The following ADAMTS12 variants were observed in gnomAD, a reference collection of about 807,000 sequenced individuals.
ADAMTS12 encodes ADAM metallopeptidase with thrombospondin type 1 motif 12.
In ADAMTS12, 118 loss-of-function variants were observed where a neutral mutation model predicts 167.8. That is an observed-to-expected ratio of 0.70 (90% CI 0.61 to 0.82). ADAMTS12 has a LOEUF of 0.82. ADAMTS12 is among the 40% of genes least tolerant of loss of function. The pLI, the probability that ADAMTS12 is intolerant of heterozygous loss-of-function variation, is 0.00. For synonymous variants in ADAMTS12, 704 were observed against 716.9 expected, an observed-to-expected ratio of 0.98 and a Z score of 0.29; for missense variants, 1,916 against 1,998.8, an observed-to-expected ratio of 0.96 and a Z score of 0.79.
intron 23 of ADAMTS12, among the ~76,000 whole-genome samples, chr5:33,527,862 G>C (rs183328797): frequency 1.3e-5 from 2 of 152,160 alleles, no homozygotes; most frequent in African/African-American, 2.4e-5. Flanking sequence ...TAGCAGCCAA[G>C]GTCAACCAAA....
At chr5:33,745,852 T>C (rs1744762870) in intron 3 of ADAMTS12, among the ~76,000 whole-genome samples, 1 of 152,052 alleles carries the variant, frequency 6.6e-6, no homozygotes, top group Admixed American at 6.5e-5. Context: ...CAAACAAAAC[T>C]AATAGGGTTA....
chr5:33,651,148 GAGCAGGTTTTCCCT>G (rs1740855699), intron 7 of ADAMTS12, among the ~76,000 whole-genome samples: 1 of 152,126 alleles, frequency 6.6e-6, no homozygotes, highest in African/African-American at 2.4e-5. Context: ...GCTTCCTTCT[GAGCAGGTTTTCCCT>G]AGCCTGCTAC....
At chr5:33,688,323 C>T (rs1742423826) in intron 3 of ADAMTS12, among the ~76,000 whole-genome samples, 1 of 144,564 alleles carries the variant, frequency 6.9e-6, no homozygotes, top group African/African-American at 2.6e-5. Context: ...GCAGCTTAAG[C>T]AAGGAAAATT....
At chr5:33,690,856 C>G (rs1742524895) in intron 3 of ADAMTS12, among the ~76,000 whole-genome samples, 1 of 152,196 alleles carries the variant, frequency 6.6e-6, no homozygotes, top group African/African-American at 2.4e-5. Context: ...TCCGCACTCT[C>G]TGATAGAAAT....
intron 19 of ADAMTS12, among the ~76,000 whole-genome samples, chr5:33,572,997 C>T (rs1266130203): frequency 1.4e-5 from 2 of 147,426 alleles, no homozygotes; most frequent in African/African-American, 5.1e-5. Context: ...CTCCCATTCA[C>T]AATTGCTTCA....
chr5:33,573,363 C>T (rs1429256746), intron 19 of ADAMTS12, among the ~76,000 whole-genome samples: 2 of 152,100 alleles, frequency 1.3e-5, no homozygotes, highest in South Asian at 4.1e-4. Flanking sequence ...TACAAGGCTA[C>T]AGTAATCAAA....
At chr5:33,878,891 C>G (rs890098997) in intron 2 of ADAMTS12, among the ~76,000 whole-genome samples, 1 of 152,182 alleles carries the variant, frequency 6.6e-6, no homozygotes, top group African/African-American at 2.4e-5. Context: ...ACAACGACTA[C>G]TCTAGTCCAG....
In ADAMTS12 at chr5:33,576,291, G is replaced by T. The variant is rs746646285; in HGVS notation, c.3735C>A (p.Ala1245=). 1 of 1,614,168 alleles carries T rather than the reference G, an allele frequency of 6.2e-7. No individual in the cohort carries two copies. The highest frequency in any genetic ancestry group is 1.1e-5 in the South Asian group (1 of 91,080). ...CTCCTCCCAGAGGGAGCAGAGTGTT[G>T]GCTGGCTTTTCAGTAACCATCCCCT... ...RVEGMVTEKP[A]NTLLPLGGDH... is the part of the protein sequence containing the mutation. The change falls in exon 19 of 24, where the codon GCC becomes GCA. Residue 1245 remains alanine (A), a synonymous_variant. Transcript: ENST00000504830.
intron 5 of ADAMTS12, among the ~76,000 whole-genome samples, chr5:33,682,659 C>T (rs1742167981): frequency 6.6e-6 from 1 of 152,114 alleles, no homozygotes; most frequent in Non-Finnish European, 1.5e-5. Flanking sequence ...TTAGTAGTAT[C>T]AAAGGTTCGA....
At chr5:33,874,646 G>C (rs923783176) in intron 2 of ADAMTS12, among the ~76,000 whole-genome samples, 2 of 152,134 alleles carry the variant, frequency 1.3e-5, no homozygotes, top group Admixed American at 1.3e-4. Context: ...TTATAGCAAC[G>C]TTATCAATAA....
intron 17 of ADAMTS12, among the ~76,000 whole-genome samples, chr5:33,595,287 T>C (rs1191659657): frequency 6.6e-6 from 1 of 152,192 alleles, no homozygotes; most frequent in Non-Finnish European, 1.5e-5. Context: ...TCTATAACAG[T>C]GGCTGTCAAC....
intron 2 of ADAMTS12, among the ~76,000 whole-genome samples, chr5:33,838,241 A>T (rs1748608754): frequency 6.6e-6 from 1 of 152,240 alleles, no homozygotes; most frequent in Admixed American, 6.5e-5. Flanking sequence ...CAAGAACCAC[A>T]TCAGTTATAT....
intron 1 of ADAMTS12, among the ~76,000 whole-genome samples, chr5:33,882,650 G>C (rs1580017933): frequency 6.6e-6 from 1 of 152,132 alleles, no homozygotes; most frequent in Admixed American, 6.5e-5. Context: ...GGAGTGCAAT[G>C]GCATGATCTC....
chr5:33,802,801 C>T (rs980397394), intron 2 of ADAMTS12, among the ~76,000 whole-genome samples: 4 of 152,068 alleles, frequency 2.6e-5, no homozygotes, highest in African/African-American at 4.8e-5. Flanking sequence ...CTATGGGAGA[C>T]GTAATACAGT....
At chr5:33,760,870 G>C (rs1254591993) in intron 2 of ADAMTS12, among the ~76,000 whole-genome samples, 2 of 142,826 alleles carry the variant, frequency 1.4e-5, no homozygotes, top group African/African-American at 5.2e-5. Flanking sequence ...TAATTTCTTT[G>C]TCTTTGCTCT....
chr5:33,676,707 C>CACACAGAG (rs879440613), intron 5 of ADAMTS12, among the ~76,000 whole-genome samples: 17 of 149,124 alleles, frequency 1.1e-4, no homozygotes, highest in East Asian at 3.9e-4. Flanking sequence ...CACACACACA[C>CACACAGAG]AGAGAGAGAG....
chr5:33,836,500 G>A (rs1330337441), intron 2 of ADAMTS12, among the ~76,000 whole-genome samples: 1 of 152,168 alleles, frequency 6.6e-6, no homozygotes, highest in African/African-American at 2.4e-5. Context: ...GGACATAACA[G>A]AAGAACAAGG....
At chr5:33,767,527 A>G (rs1480030256) in intron 2 of ADAMTS12, among the ~76,000 whole-genome samples, 1 of 152,206 alleles carries the variant, frequency 6.6e-6, no homozygotes, top group African/African-American at 2.4e-5. Flanking sequence ...ACTTTTCTAA[A>G]TGCAATGGTT....
intron 3 of ADAMTS12, among the ~76,000 whole-genome samples, chr5:33,688,553 G>A (rs1425854841): frequency 2.0e-5 from 3 of 152,146 alleles, no homozygotes; most frequent in African/African-American, 7.2e-5. Flanking sequence ...TTTGCAGATG[G>A]CAGAGCCCTC....
Sources: gnomAD v4.1 joint callset for allele counts (sites outside exome capture counted in the v4.1 genomes callset) on GRCh38, gnomAD v4.1.1 for gene constraint, MANE v1.5 for transcripts, NCBI Gene and HGNC (gene_info 2026-07-23, HGNC 2026-07-21) for gene names.